Variants in GCKR observed in about 807,000 individuals in gnomAD.
The protein encoded by GCKR is glucokinase regulatory protein.
A neutral mutation model predicts 82.9 loss-of-function variants in GCKR; 73 were observed. The ratio of observed to expected loss-of-function variants is 0.88; its 90% CI spans 0.73 to 1.07. The LOEUF (loss-of-function observed/expected upper bound fraction) is 1.07, where lower values mean the gene tolerates loss of function less well. Among genes scored for constraint, GCKR ranks in the 50% least tolerant of loss-of-function variants. The pLI, the probability that GCKR is intolerant of heterozygous loss-of-function variation, is 0.00. For synonymous variants in GCKR, 294 were observed against 291.8 expected (o/e 1.01, Z -0.08); for missense variants, 784 against 782.1 (o/e 1.00, Z -0.03).
At chr2:27,505,575 G>C in intron 9 of GCKR, 143 bp from the exon 10 acceptor site, 1 of 698,000 alleles carries the variant, frequency 1.4e-6, no homozygotes, top group African/African-American at 1.7e-5. Context: ...TCTTCCTCTC[G>C]GTCAAGCCCA....
At position 27,503,555 on chromosome 2, in the gene GCKR, T is replaced by C. The variant is rs368573223; in HGVS notation, c.686T>C (p.Val229Ala). The change falls in exon 9 of 19, where the codon GTA (valine) becomes GCA (alanine). Residue 229 changes from valine (V) to alanine (A), a missense_variant. Val to Ala is a moderately conservative substitution (Grantham distance 64). Transcript: ENST00000264717. ...IEDWSSTFRQ[V>A]AERMQKMQEK... is the part of the protein sequence containing the mutation. ...GACTGGAGTTCAACATTCCGACAAGTAGCAGAGCGGATGCAGAAAATGCAG... is the reference window on the plus strand; with the variant it reads ...GACTGGAGTTCAACATTCCGACAAGCAGCAGAGCGGATGCAGAAAATGCAG... The C allele has an allele frequency of 1.2e-6, 2 of 1,611,006 alleles. No homozygotes were observed. Among genetic ancestry groups the C allele is most frequent in the African/African-American group, 1.3e-5 (1 of 74,852 alleles).
intron 16 of GCKR, among the ~76,000 whole-genome samples, chr2:27,510,939 A>G (rs1669867280): frequency 6.6e-6 from 1 of 151,752 alleles, no homozygotes; most frequent in Non-Finnish European, 1.5e-5. Flanking sequence ...TTTTTTATGT[A>G]GAGACATTTT....
intron 16 of GCKR, among the ~76,000 whole-genome samples, chr2:27,510,648 T>G (rs1232086296): frequency 6.6e-6 from 1 of 152,212 alleles, no homozygotes; most frequent in African/African-American, 2.4e-5. Flanking sequence ...AAAAAATCTT[T>G]GCTAATCAGT....
Position 27,498,287 on chromosome 2 carries a change from AG to A in GCKR, c.323del (p.Gly108AlafsTer17). ...ATGGGGGGCTGGTTGTGCTGAGTGG[AG>A]GGGGCACCTCTGGCCGGATGGCATT... ...PDGGLVVLSG[G>X]GTSGRMAFLM... On this transcript the variant is annotated frameshift_variant, in exon 4 of 19. Transcript: ENST00000264717. LOFTEE classifies it high-confidence loss of function. 2 of 1,613,678 alleles carry A rather than the reference AG, an allele frequency of 1.2e-6. No individual in the cohort carries two copies. The highest frequency in any genetic ancestry group is 1.7e-6 in the Non-Finnish European group (2 of 1,179,704).
At chr2:27,516,791 G>A (rs1558441985) in intron 16 of GCKR, among the ~76,000 whole-genome samples, 1 of 152,100 alleles carries the variant, frequency 6.6e-6, no homozygotes, top group African/African-American at 2.4e-5. Context: ...AGTCTGACAC[G>A]CACCCTATAG....
At chr2:27,519,323 A>G (rs1318350726) in intron 17 of GCKR, among the ~76,000 whole-genome samples, 4 of 142,436 alleles carry the variant, frequency 2.8e-5, no homozygotes, top group African/African-American at 1.1e-4. Flanking sequence ...TTTTTTTGAG[A>G]TGGGGTCTTG....
intron 16 of GCKR, among the ~76,000 whole-genome samples, chr2:27,514,089 G>GGT (rs1374176684): frequency 6.6e-6 from 1 of 151,832 alleles, no homozygotes; most frequent in African/African-American, 2.4e-5. Flanking sequence ...CTAGTATTTA[G>GGT]AAACCCAAAT....
chr2:27,522,723 G>C (rs1329691344), intron 18 of GCKR, 129 bp downstream of exon 18: 1 of 804,702 alleles, frequency 1.2e-6, no homozygotes, highest in African/African-American at 1.7e-5. Flanking sequence ...ACATTCATGG[G>C]GTCTTTGGAC....
chr2:27,516,283 GTTTTTTTTTTTTT>G (rs35189790), intron 16 of GCKR, among the ~76,000 whole-genome samples: 1 of 58,526 alleles, frequency 1.7e-5, no homozygotes, highest in South Asian at 6.5e-4. Flanking sequence ...CTTCATTCTT[GTTTTTTTTTTTTT>G]TTTTTTTTTT....
At chr2:27,511,552 A>T (rs1183962319) in intron 16 of GCKR, among the ~76,000 whole-genome samples, 2 of 151,642 alleles carry the variant, frequency 1.3e-5, no homozygotes, top group African/African-American at 2.4e-5. Flanking sequence ...CAAAAAAATT[A>T]CCTGAGCATG....
In GCKR at chr2:27,503,014, G is replaced by A. The variant is rs544408885; in HGVS notation, c.645-500G>A. Among the ~76,000 whole-genome samples the A allele has an allele frequency of 5.3e-5, 8 of 152,342 alleles. No homozygotes were observed. The East Asian group carries it at 1.5e-3, about 29-fold the overall frequency. ...TACTCAAGGAATGTTCAACAACTGT[G>A]AGGTGCTACCTTGAAGCTTGGTTCC... On this transcript the variant is annotated intron_variant, in intron 8 of 18. Coordinates refer to ENST00000264717, the MANE Select transcript of GCKR (RefSeq NM_001486.4).
At position 27,518,890 on chromosome 2, in the gene GCKR, C is replaced by T. The variant is rs150882877; in HGVS notation, c.1525C>T (p.Arg509Trp). Residue 509 changes from arginine (R) to tryptophan (W), a missense_variant, in exon 17 of 19, where the codon CGG becomes TGG. Coordinates refer to ENST00000264717, the MANE Select transcript of GCKR (RefSeq NM_001486.4). ...KILQNHMLDL[R>W]ISNSKLFWRA... ...CCTACAAAACCACATGTTGGACCTT[C>T]GGATTAGCAACTCCAAGCTCTTCTG... The T allele has an allele frequency of 6.6e-6, 10 of 1,522,818 alleles. No individual in the cohort carries two copies. Among genetic ancestry groups the T allele is most frequent in the Middle Eastern group, 3.6e-4 (2 of 5,556 alleles). 94.3% of individuals were successfully genotyped at this position (1,522,818 alleles called of 1,614,324 possible).
intron 17 of GCKR, among the ~76,000 whole-genome samples, chr2:27,521,449 G>C (rs1670152485): frequency 6.6e-6 from 1 of 151,374 alleles, no homozygotes; most frequent in Non-Finnish European, 1.5e-5. Context: ...TCCTGCCTCA[G>C]CCTCCTGAGT....
chr2:27,505,313 G>A (rs1317827516), intron 9 of GCKR, among the ~76,000 whole-genome samples: 2 of 140,434 alleles, frequency 1.4e-5, no homozygotes, highest in Non-Finnish European at 3.1e-5. Context: ...GGAGAATGGC[G>A]TGAACCCAGG....
rs1235664612 is a variant in GCKR, at chr2:27,498,292, G to A, written c.323G>A (p.Gly108Asp). The change falls in exon 4 of 19, where the codon GGC becomes GAC. Residue 108 changes from glycine to aspartate, a missense_variant. By Grantham distance (94) the Gly-to-Asp change is moderately conservative (BLOSUM62 -1). Coordinates refer to ENST00000264717, the MANE Select transcript of GCKR (RefSeq NM_001486.4). Reference protein sequence around the residue: ...DGGLVVLSGGGTSGRMAFLMS... With the variant: ...DGGLVVLSGGDTSGRMAFLMS... ...GGGCTGGTTGTGCTGAGTGGAGGGGGCACCTCTGGCCGGATGGCATTCCTC... is the reference window on the plus strand; with the variant it reads ...GGGCTGGTTGTGCTGAGTGGAGGGGACACCTCTGGCCGGATGGCATTCCTC... The A allele has an allele frequency of 1.2e-6, 2 of 1,613,446 alleles. No individual in the cohort carries two copies. Among genetic ancestry groups the A allele is most frequent in the Admixed American group, 1.7e-5 (1 of 59,990 alleles).
chr2:27,523,229 A>G (rs1244933460), intron 18 of GCKR, 40 bp from the exon 19 acceptor site: 2 of 1,582,076 alleles, frequency 1.3e-6, no homozygotes, highest in South Asian at 2.2e-5. Flanking sequence ...TGATGACCTC[A>G]TTCCCTCAGG....
chr2:27,505,872 A>T, intron 10 of GCKR, 36 bp downstream of exon 10: 1 of 1,127,894 alleles, frequency 8.9e-7, no homozygotes, highest in Non-Finnish European at 1.4e-6. Context: ...GCTCAGAGTC[A>T]GGCGAGTGTG....
intron 9 of GCKR, 139 bp downstream of exon 9, chr2:27,503,758 TA>T: frequency 1.5e-6 from 1 of 676,160 alleles, no homozygotes; most frequent in Non-Finnish European, 2.7e-6. Context: ...TAAAATGTTA[TA>T]AACCAAATCC....
chr2:27,507,032 C>T, intron 12 of GCKR, 147 bp downstream of exon 12: 1 of 782,832 alleles, frequency 1.3e-6, no homozygotes, highest in Non-Finnish European at 2.3e-6. Flanking sequence ...TCAAATTCTT[C>T]TTCCTTAGAA....
Sources: allele counts gnomAD v4.1 joint callset (sites outside exome capture counted in the v4.1 genomes callset), GRCh38; gene constraint gnomAD v4.1.1; transcripts MANE v1.5; gene names NCBI Gene and HGNC (gene_info 2026-07-23, HGNC 2026-07-21).